Variants in SRPK1 observed in about 807,000 individuals in gnomAD.
SRPK1 encodes the protein SRSF protein kinase 1.
Under a neutral mutation model 89.5 loss-of-function variants are expected in SRPK1, and 52 were observed. That is an observed-to-expected ratio of 0.58 (90% CI 0.46 to 0.73). SRPK1 has a LOEUF of 0.73. SRPK1 is among the 30% of genes least tolerant of loss of function. The pLI is 0.00. For synonymous variants in SRPK1, 255 were observed against 270.2 expected (o/e 0.94, Z 0.55); for missense variants, 603 against 780.6 (o/e 0.77, Z 2.71).
chr6:35,887,914 TTA>T, intron 5 of SRPK1, 108 bp downstream of exon 5: 2 of 740,956 alleles, frequency 2.7e-6, no homozygotes, highest in Non-Finnish European at 4.0e-6. Flanking sequence ...TACTAGAACT[TTA>T]TAGAGAAAAT....
chr6:35,900,064 T>TA (rs1770710537), intron 2 of SRPK1, among the ~76,000 whole-genome samples: 1 of 151,632 alleles, frequency 6.6e-6, no homozygotes, highest in Non-Finnish European at 1.5e-5. Flanking sequence ...GTAAGGTTTG[T>TA]AAAATGTAGG....
intron 2 of SRPK1, among the ~76,000 whole-genome samples, chr6:35,910,790 C>G (rs531464581): frequency 2.0e-5 from 3 of 152,328 alleles, no homozygotes; most frequent in Admixed American, 6.5e-5. Context: ...AAGAATTATG[C>G]TAAATCTACT....
At chr6:35,835,624 A>G (rs1425365197) in intron 15 of SRPK1, 136 bp from the exon 16 acceptor site, 12 of 694,226 alleles carry the variant, frequency 1.7e-5, no homozygotes, top group Non-Finnish European at 2.2e-6. Context: ...TCCTTCATTC[A>G]CAAAGCATTT....
At chr6:35,851,732 T>C (rs529544971) in intron 13 of SRPK1, among the ~76,000 whole-genome samples, 5 of 152,174 alleles carry the variant, frequency 3.3e-5, no homozygotes, top group East Asian at 1.9e-4. Context: ...ACATAAAAAG[T>C]TGGATTAAGT....
chr6:35,884,269 C>T (rs907437074), intron 6 of SRPK1, among the ~76,000 whole-genome samples: 3 of 152,106 alleles, frequency 2.0e-5, no homozygotes, highest in Admixed American at 6.6e-5. Flanking sequence ...GAGAAACCAA[C>T]TGTCCTCCTT....
At chr6:35,868,565 T>C (rs1303655016) in intron 12 of SRPK1, among the ~76,000 whole-genome samples, 1 of 152,186 alleles carries the variant, frequency 6.6e-6, no homozygotes, top group Non-Finnish European at 1.5e-5. Context: ...TGAACTGAAT[T>C]GTATTTAAAT....
At chr6:35,855,487 T>C (rs949517452) in intron 13 of SRPK1, among the ~76,000 whole-genome samples, 2 of 152,226 alleles carry the variant, frequency 1.3e-5, no homozygotes, top group African/African-American at 4.8e-5. Context: ...TTCTCAAGTT[T>C]TTCCCAGAGT....
Position 35,869,541 on chromosome 6 carries a change from G to T in SRPK1, c.1352C>A (p.Ala451Glu). ...TTGTTCATCTTCACAGGGTATCTCT[G>T]CCCGAATGCTTTCTTGAAGTTGGCT... is the stretch of plus-strand genomic sequence containing the variant. ...HISQLQESIR[A>E]EIPCEDEQEQ... The change falls in exon 11 of 16, where the codon GCA becomes GAA. Residue 451 changes from alanine to glutamate, a missense_variant. By Grantham distance (107) the Ala-to-Glu change is moderately radical. Coordinates refer to ENST00000373825, the MANE Select transcript of SRPK1 (RefSeq NM_003137.5). 6.2e-7 allele frequency: 1 copy of T among 1,613,928 alleles called. No homozygotes were observed. The highest frequency in any genetic ancestry group is 1.1e-5 in the South Asian group (1 of 91,080).
intron 2 of SRPK1, 109 bp downstream of exon 2, chr6:35,920,359 C>CT (rs1562002685): frequency 8.1e-7 from 1 of 1,241,586 alleles, no homozygotes. Flanking sequence ...GGCCATGTGG[C>CT]TGCAGCCACA....
intron 13 of SRPK1, among the ~76,000 whole-genome samples, chr6:35,854,366 A>G (rs890063362): frequency 1.3e-5 from 2 of 152,146 alleles, no homozygotes; most frequent in Non-Finnish European, 2.9e-5. Context: ...CTTTCCATCA[A>G]TTAATTACAT....
At chr6:35,886,216 GA>G (rs773487991) in intron 6 of SRPK1, among the ~76,000 whole-genome samples, 293 of 152,012 alleles carry the variant, frequency 1.9e-3, no homozygotes, top group Non-Finnish European at 3.5e-3. Context: ...CAGTAGCTGG[GA>G]TTACAGGAGC....
chr6:35,920,574 G>A, intron 1 of SRPK1, 46 bp from the exon 2 acceptor site: 1 of 1,595,012 alleles, frequency 6.3e-7, no homozygotes, highest in South Asian at 1.1e-5. Flanking sequence ...GAGGAAAGGA[G>A]GCGACCAAGG....
At chr6:35,876,749 C>T (rs1189309038) in intron 6 of SRPK1, among the ~76,000 whole-genome samples, 2 of 152,128 alleles carry the variant, frequency 1.3e-5, no homozygotes, top group African/African-American at 4.8e-5. Flanking sequence ...CTCAAACAGA[C>T]CAAATACAAA....
intron 2 of SRPK1, among the ~76,000 whole-genome samples, chr6:35,912,872 C>T (rs2127269168): frequency 6.6e-6 from 1 of 152,326 alleles, no homozygotes; most frequent in Non-Finnish European, 1.5e-5. Context: ...TAGCCTCTAC[C>T]TCCTGGGCTC....
intron 2 of SRPK1, among the ~76,000 whole-genome samples, chr6:35,899,384 A>G (rs1395474983): frequency 6.6e-6 from 1 of 152,122 alleles, no homozygotes; most frequent in East Asian, 1.9e-4. Flanking sequence ...TGTTTGCCAC[A>G]TGCCCTCTGC....
At chr6:35,881,282 T>C (rs1052780533) in intron 6 of SRPK1, among the ~76,000 whole-genome samples, 1 of 152,004 alleles carries the variant, frequency 6.6e-6, no homozygotes, top group East Asian at 1.9e-4. Context: ...TGAAGGTAAA[T>C]ACTTGAGCAA....
At chr6:35,874,360 G>T (rs1038046979) in intron 6 of SRPK1, 21 bp from the exon 7 acceptor site, 9 of 1,549,974 alleles carry the variant, frequency 5.8e-6, no homozygotes, top group Non-Finnish European at 8.0e-6. Flanking sequence ...ATTAAGGAGG[G>T]AAAAAACGGC....
chr6:35,913,969 CTTTTTTTT>C (rs545555860), intron 2 of SRPK1, among the ~76,000 whole-genome samples: 5,232 of 93,076 alleles, frequency 0.056, 301 homozygotes, highest in African/African-American at 0.18. Context: ...GATACTTTCT[CTTTTTTTT>C]TTTTTTTTTT....
rs1002110734 is a variant in SRPK1 at position 35,886,584 on chromosome 6, T to C, written c.478+140A>G. On this transcript the variant is annotated intron_variant, in intron 6 of 15. Transcript: ENST00000373825. Reference sequence around the variant, plus strand: ...CAAAATTAGACAAAATTCAGATGTGTGTTCAGAAGTGTACAATAAAAGAGG... The same window carrying C: ...CAAAATTAGACAAAATTCAGATGTGCGTTCAGAAGTGTACAATAAAAGAGG... The C allele has an allele frequency of 4.1e-5, 26 of 630,970 alleles. No individual in the cohort carries two copies. In the African/African-American group the frequency reaches 4.8e-4, roughly 12 times the overall value. 39.1% of individuals were successfully genotyped at this position (630,970 alleles called of 1,614,324 possible).
Sources: allele counts gnomAD v4.1 joint callset (sites outside exome capture counted in the v4.1 genomes callset), GRCh38; gene constraint gnomAD v4.1.1; transcripts MANE v1.5; gene names NCBI Gene and HGNC (gene_info 2026-07-23, HGNC 2026-07-21).